ARHGEF4: variants seen among roughly 807,000 people sequenced by gnomAD.
ARHGEF4 encodes the protein APC-stimulated guanine nucleotide exchange factor 1.
In ARHGEF4, 119 loss-of-function variants were observed where a neutral mutation model predicts 162.0. The ratio of observed to expected loss-of-function variants is 0.73; its 90% confidence interval spans 0.63 to 0.86. The LOEUF is 0.86. ARHGEF4 is among the 40% of genes least tolerant of loss of function. The pLI, the probability that ARHGEF4 is intolerant of heterozygous loss-of-function variation, is 0.00. For synonymous variants in ARHGEF4, 1,014 were observed against 979.9 expected (o/e 1.03, Z -0.65); for missense variants, 2,488 against 2,456.0 (o/e 1.01, Z -0.28).
At chr2:130,856,517 C>T (rs1201246927) in intron 1 of ARHGEF4, among the ~76,000 whole-genome samples, 1 of 152,138 alleles carries the variant, frequency 6.6e-6, no homozygotes, top group Non-Finnish European at 1.5e-5. Flanking sequence ...CAAGTGACAC[C>T]AGAGAATAAT....
intron 1 of ARHGEF4, among the ~76,000 whole-genome samples, chr2:130,838,747 C>T (rs1680394050): frequency 6.6e-6 from 1 of 152,178 alleles, no homozygotes; most frequent in Non-Finnish European, 1.5e-5. Flanking sequence ...GCAAGGGTGG[C>T]AAGGAGTTGC....
At chr2:131,012,967 G>A (rs1033070891) in intron 4 of ARHGEF4, among the ~76,000 whole-genome samples, 1 of 152,180 alleles carries the variant, frequency 6.6e-6, no homozygotes, top group Non-Finnish European at 1.5e-5. Flanking sequence ...CAAAATGAGA[G>A]ATTTATGTAA....
chr2:130,884,608 G>T (rs1679397310), intron 1 of ARHGEF4, among the ~76,000 whole-genome samples: 1 of 152,116 alleles, frequency 6.6e-6, no homozygotes, highest in African/African-American at 2.4e-5. Flanking sequence ...AGGGCAAGTT[G>T]CAACACCTGT....
At chr2:130,870,828 G>C (rs1022683334) in intron 1 of ARHGEF4, among the ~76,000 whole-genome samples, 4 of 152,116 alleles carry the variant, frequency 2.6e-5, no homozygotes, top group African/African-American at 9.7e-5. Context: ...AGCAGGGAAG[G>C]CTTCCCAGGG....
chr2:130,901,368 C>T (rs1431035053), intron 1 of ARHGEF4, among the ~76,000 whole-genome samples: 2 of 152,114 alleles, frequency 1.3e-5, no homozygotes, highest in African/African-American at 4.8e-5. Flanking sequence ...TGTCGCTGAC[C>T]AGGCCACTGC....
intron 5 of ARHGEF4, chr2:131,034,971 C>G (rs1431036921): frequency 3.1e-6 from 3 of 983,454 alleles, no homozygotes; most frequent in Non-Finnish European, 3.6e-6. Context: ...GCGCCGGCTT[C>G]GCGGGAGGAG....
chr2:131,020,243 G>A (rs1450928091), intron 4 of ARHGEF4, among the ~76,000 whole-genome samples: 1 of 151,576 alleles, frequency 6.6e-6, no homozygotes, highest in Non-Finnish European at 1.5e-5. Flanking sequence ...CAATGTGCAG[G>A]TTTGTTACAT....
chr2:130,971,231 G>A lies in ARHGEF4; in HGVS notation c.3985+24596G>A, dbSNP rs1685340242. On this transcript the variant is annotated intron_variant, in intron 4 of 13. Transcript: ENST00000409359. ...AAAAACAACAGTCTATATTTGTGTT[G>A]GTCTATTTCTAGCTCTGTTCTGTTC... Among the ~76,000 whole-genome samples the A allele has an allele frequency of 2.0e-5, 3 of 152,150 alleles. No individual in the cohort carries two copies. In the South Asian group the frequency reaches 6.2e-4, roughly 32 times the overall value.
chr2:131,014,697 T>C (rs1181850371), intron 4 of ARHGEF4, among the ~76,000 whole-genome samples: 2 of 152,224 alleles, frequency 1.3e-5, no homozygotes, highest in Non-Finnish European at 2.9e-5. Context: ...TGCCACACTT[T>C]CTTCTCTGGC....
At chr2:131,034,239 C>T (rs939448937) in intron 5 of ARHGEF4, among the ~76,000 whole-genome samples, 3 of 152,212 alleles carry the variant, frequency 2.0e-5, no homozygotes, top group Admixed American at 2.0e-4. Context: ...GAAATCTCTG[C>T]CCATGCCTGA....
At chr2:130,894,373 G>A (rs4850266) in intron 1 of ARHGEF4, among the ~76,000 whole-genome samples, 3,174 of 152,204 alleles carry the variant, frequency 0.021, 95 homozygotes, top group East Asian at 0.12. Flanking sequence ...TTGATTTGAG[G>A]TTTCGTCAAG....
At chr2:130,940,341 G>A (rs902716380) in intron 3 of ARHGEF4, among the ~76,000 whole-genome samples, 8 of 152,038 alleles carry the variant, frequency 5.3e-5, no homozygotes, top group East Asian at 1.9e-4. Context: ...GCAGGGAAGC[G>A]TAGTTCAAAT....
At chr2:130,988,936 A>AG (rs1491191636) in intron 4 of ARHGEF4, among the ~76,000 whole-genome samples, 235 of 143,288 alleles carry the variant, frequency 1.6e-3, no homozygotes, top group African/African-American at 4.2e-3. Flanking sequence ...AGAGAGAGAG[A>AG]AAGATTCCAA....
chr2:131,000,949 C>A (rs1687717650), intron 4 of ARHGEF4, among the ~76,000 whole-genome samples: 1 of 151,988 alleles, frequency 6.6e-6, no homozygotes, highest in African/African-American at 2.4e-5. Flanking sequence ...AAGTCACAGA[C>A]TAGGAAATAT....
At chr2:130,936,255 G>A (rs7340467) in intron 3 of ARHGEF4, among the ~76,000 whole-genome samples, 88,311 of 152,040 alleles carry the variant, frequency 0.58, 29,805 homozygotes, top group East Asian at 0.84. Context: ...CCTTATGTCC[G>A]TTTATTATTG....
intron 1 of ARHGEF4, among the ~76,000 whole-genome samples, chr2:130,851,592 G>T (rs753184885): frequency 2.6e-5 from 4 of 152,166 alleles, no homozygotes; most frequent in Non-Finnish European, 5.9e-5. Context: ...TGGACGGGCT[G>T]GGGGGGCTCC....
At position 130,915,064 on chromosome 2, in the gene ARHGEF4, C is replaced by A; in HGVS notation, c.1118C>A (p.Pro373Gln). ...VKEGAKNERD[P>Q]RIQNIPSPAP... ...GAAGGGGCCAAAAATGAACGAGATC[C>A]AAGAATACAAAACATCCCTTCCCCT... Residue 373 changes from proline (P) to glutamine (Q), a missense_variant, in exon 2 of 14, where the codon CCA becomes CAA. Pro to Gln is a moderately conservative substitution (Grantham distance 76, BLOSUM62 -1). This residue lies in a region of ARHGEF4 where 1,642 missense variants were observed against 1,481.5 expected (regional missense o/e 1.11). Coordinates refer to ENST00000409359, the MANE Select transcript of ARHGEF4 (RefSeq NM_001367493.1). 6.4e-7 allele frequency: 1 copy of A among 1,550,698 alleles called. No homozygotes were observed. Among genetic ancestry groups the A allele is most frequent in the East Asian group, 2.4e-5 (1 of 40,918 alleles).
rs1350585900 is a variant in ARHGEF4, at chr2:130,916,483, C to T, written c.2537C>T (p.Pro846Leu). Residue 846 changes from proline (P) to leucine (L), a missense_variant, in exon 2 of 14, where the codon CCG becomes CTG. Physicochemically the swap from Pro to Leu is moderately conservative, Grantham distance 98. Transcript: ENST00000409359. ...CCCGCTGCGGCCGGTCGGGACGCAC[C>T]GCCTCTGCACCACGGGGACGCCAGC... is the stretch of plus-strand genomic sequence containing the variant. ...NPPAAAGRDA[P>L]PLHHGDASAW... 6.5e-7 allele frequency: 1 copy of T among 1,546,234 alleles called. No individual in the cohort carries two copies. Among genetic ancestry groups the T allele is most frequent in the East Asian group, 2.4e-5 (1 of 40,872 alleles).
intron 4 of ARHGEF4, among the ~76,000 whole-genome samples, chr2:130,972,281 A>G (rs1430481098): frequency 6.6e-6 from 1 of 152,212 alleles, no homozygotes; most frequent in Non-Finnish European, 1.5e-5. Context: ...GTTTCATTTC[A>G]GTTTATAAGA....
Sources: allele counts gnomAD v4.1 joint callset (sites outside exome capture counted in the v4.1 genomes callset), GRCh38; gene constraint gnomAD v4.1.1; regional missense constraint gnomAD v4.1.1; transcripts MANE v1.5; gene names NCBI Gene and HGNC (gene_info 2026-07-23, HGNC 2026-07-21).